Variants in GCLC observed in about 807,000 individuals in gnomAD.
The protein encoded by GCLC is glutamate-cysteine ligase catalytic subunit.
A neutral mutation model predicts 81.5 loss-of-function variants in GCLC; 30 were observed. That is an observed-to-expected ratio of 0.37 (90% CI 0.28 to 0.50). The LOEUF is 0.50. Ranked by LOEUF, GCLC falls within the 20% of genes least tolerant of loss-of-function variation. The pLI is 0.96. For missense variants in GCLC, 556 were observed against 777.4 expected (o/e 0.72, Z 3.39); for synonymous variants, 262 against 273.3 (o/e 0.96, Z 0.41).
At chr6:53,542,274 C>T (rs1004606688) in intron 1 of GCLC, among the ~76,000 whole-genome samples, 5 of 152,166 alleles carry the variant, frequency 3.3e-5, no homozygotes, top group Non-Finnish European at 2.9e-5. Context: ...TTTATAGATG[C>T]ATAATACAAG....
intron 4 of GCLC, 134 bp from the exon 5 acceptor site, chr6:53,514,631 G>T (rs929194457): frequency 9.3e-6 from 7 of 753,750 alleles, no homozygotes; most frequent in African/African-American, 1.7e-5. Flanking sequence ...AACAGAAAAT[G>T]TATCTGTGGT....
At chr6:53,512,373 T>C (rs909497073) in intron 6 of GCLC, among the ~76,000 whole-genome samples, 9 of 152,188 alleles carry the variant, frequency 5.9e-5, no homozygotes, top group African/African-American at 1.9e-4. Flanking sequence ...TTTAAAACTA[T>C]TTTTTCTACT....
intron 12 of GCLC, among the ~76,000 whole-genome samples, chr6:53,502,692 A>C (rs1030440812): frequency 1.3e-5 from 2 of 152,170 alleles, no homozygotes; most frequent in Non-Finnish European, 2.9e-5. Flanking sequence ...TTCTACGTAC[A>C]TCTTATGCAA....
intron 6 of GCLC, among the ~76,000 whole-genome samples, chr6:53,512,468 T>G (rs2127622484): frequency 6.6e-6 from 1 of 152,246 alleles, no homozygotes; most frequent in East Asian, 1.9e-4. Context: ...TGTGATAATT[T>G]AATACATTCA....
Position 53,544,487 on chromosome 6 carries a change from G to T in GCLC, c.150+9C>A. 1 of 1,605,930 alleles carries T rather than the reference G, an allele frequency of 6.2e-7. No individual in the cohort carries two copies. Among genetic ancestry groups the T allele is most frequent in the South Asian group, 1.1e-5 (1 of 91,048 alleles). ...GTGCCCGGCGGGGACGGGGACCGCGGGCGCTCACCTCATCGCCCCACTTGA... is the reference window on the plus strand; with the variant it reads ...GTGCCCGGCGGGGACGGGGACCGCGTGCGCTCACCTCATCGCCCCACTTGA... On this transcript the variant is annotated intron_variant, in intron 1 of 15. Coordinates refer to ENST00000650454, the MANE Select transcript of GCLC (RefSeq NM_001498.4).
chr6:53,522,453 AAGAACTTTCTCCCCAGAC>A lies in GCLC; in HGVS notation c.207_224del (p.Ser70_Leu75del). 1 of 1,612,498 alleles carries A rather than the reference AAGAACTTTCTCCCCAGAC, an allele frequency of 6.2e-7. No homozygotes were observed. The stretch of plus-strand genomic sequence containing the variant: ...TTTCCCCCTTCTCTTGCAGAGTTTC[AAGAACTTTCTCCCCAGAC>A]AGGACCAACCGGACTTTTTTATTTT... On this transcript the variant is annotated inframe_deletion, in exon 2 of 16. Coordinates refer to ENST00000650454, the MANE Select transcript of GCLC (RefSeq NM_001498.4).
At chr6:53,521,011 C>T in intron 2 of GCLC, 51 bp from the exon 3 acceptor site, 3 of 1,460,478 alleles carry the variant, frequency 2.1e-6, no homozygotes, top group Non-Finnish European at 2.9e-6. Context: ...CTATAGTCTG[C>T]TCAATTTTTA....
At chr6:53,499,269 A>T (rs1020083783) in intron 15 of GCLC, among the ~76,000 whole-genome samples, 2 of 152,184 alleles carry the variant, frequency 1.3e-5, no homozygotes, top group African/African-American at 4.8e-5. Flanking sequence ...GCACATGTGT[A>T]CAAGAACATG....
chr6:53,519,550 A>G (rs1486670496), intron 3 of GCLC, among the ~76,000 whole-genome samples: 1 of 152,004 alleles, frequency 6.6e-6, no homozygotes, highest in Non-Finnish European at 1.5e-5. Flanking sequence ...TCAACCCCCC[A>G]GCTCCACAGA....
chr6:53,499,968 CTACTT>C (rs1367351283), intron 15 of GCLC, 72 bp downstream of exon 15: 2 of 1,055,454 alleles, frequency 1.9e-6, no homozygotes, highest in Non-Finnish European at 2.9e-6. Context: ...TTTTAAAAGA[CTACTT>C]TAAGAAATTG....
At chr6:53,540,799 A>G (rs1763340803) in intron 1 of GCLC, among the ~76,000 whole-genome samples, 1 of 152,198 alleles carries the variant, frequency 6.6e-6, no homozygotes, top group South Asian at 2.1e-4. Flanking sequence ...AAGGGTGATT[A>G]GATTCACATG....
intron 1 of GCLC, among the ~76,000 whole-genome samples, chr6:53,534,372 A>G (rs147780457): frequency 2.3e-4 from 35 of 152,250 alleles, no homozygotes; most frequent in African/African-American, 8.4e-4. Flanking sequence ...CAAAGTTTAC[A>G]GACAAAGGAG....
In GCLC at chr6:53,514,494, G is replaced by A; in HGVS notation, c.564C>T (p.Thr188=). ...EAINKHPRFS[T]LTRNIRHRRG... is the part of the protein sequence containing the mutation. ...TCCTATGTCGGATATTTCTTGTTAA[G>A]GTACTAAAACAGACAACCAAACGTC... The change falls in exon 5 of 16, where the codon ACC becomes ACT. Residue 188 remains threonine (T), a synonymous_variant. Transcript: ENST00000650454. The A allele has an allele frequency of 6.2e-7, 1 of 1,612,180 alleles. No individual in the cohort carries two copies. The highest frequency in any genetic ancestry group is 2.2e-5 in the East Asian group (1 of 44,846).
At chr6:53,534,663 G>C (rs1261182323) in intron 1 of GCLC, among the ~76,000 whole-genome samples, 5 of 152,120 alleles carry the variant, frequency 3.3e-5, no homozygotes, top group Non-Finnish European at 4.4e-5. Context: ...GAAGAGCCCA[G>C]TGGACTCCCT....
At chr6:53,517,138 G>A (rs1488997614) in intron 3 of GCLC, among the ~76,000 whole-genome samples, 1 of 145,028 alleles carries the variant, frequency 6.9e-6, no homozygotes, top group Admixed American at 7.0e-5. Context: ...CCAGGCTGGA[G>A]TGCAGTGGTG....
At position 53,498,667 on chromosome 6, in the gene GCLC, T is replaced by C; in HGVS notation, c.*89A>G. 1 of 845,820 alleles carries C rather than the reference T, an allele frequency of 1.2e-6. No homozygotes were observed. The highest frequency in any genetic ancestry group is 2.0e-6 in the Non-Finnish European group (1 of 491,732). The allele number at this position is 845,820 out of a possible 1,614,324, so 52.4% of individuals were successfully genotyped here. Reference sequence around the variant, plus strand: ...CCAGAAAACAGTACAGTTCTATCATTTGGTCTTCATATTATACACACGGGC... The same window carrying C: ...CCAGAAAACAGTACAGTTCTATCATCTGGTCTTCATATTATACACACGGGC... On this transcript the variant is annotated 3_prime_UTR_variant, in exon 16 of 16. Coordinates refer to ENST00000650454, the MANE Select transcript of GCLC (RefSeq NM_001498.4).
intron 1 of GCLC, among the ~76,000 whole-genome samples, chr6:53,533,358 G>A (rs749789028): frequency 2.0e-5 from 3 of 152,176 alleles, no homozygotes; most frequent in Non-Finnish European, 4.4e-5. Context: ...GTTCAGATAT[G>A]TTGTTGCCAG....
intron 3 of GCLC, among the ~76,000 whole-genome samples, chr6:53,519,547 C>A (rs1185901522): frequency 6.6e-6 from 1 of 152,080 alleles, no homozygotes; most frequent in East Asian, 1.9e-4. Flanking sequence ...TCTTCAACCC[C>A]CCAGCTCCAC....
chr6:53,509,936 G>C (rs1202501673), intron 6 of GCLC: 1 of 153,288 alleles, frequency 6.5e-6, no homozygotes, highest in African/African-American at 2.4e-5. Flanking sequence ...ACAGGCGTGA[G>C]CCACCGCGTC....
Sources: allele counts gnomAD v4.1 joint callset (sites outside exome capture counted in the v4.1 genomes callset), GRCh38; gene constraint gnomAD v4.1.1; transcripts MANE v1.5; gene names NCBI Gene and HGNC (gene_info 2026-07-23, HGNC 2026-07-21).